CEP170: variants seen among roughly 807,000 people sequenced by gnomAD.
The protein encoded by CEP170 is centrosomal protein 170, also known as centrosomal protein of 170 kDa.
CEP170 carries 21 observed loss-of-function variants against 151.9 expected under a neutral mutation model. That is an observed-to-expected ratio of 0.14 (90% CI 0.10 to 0.20). CEP170 has a LOEUF of 0.20. Ranked by LOEUF, CEP170 falls within the 10% of genes least tolerant of loss-of-function variation. The probability of loss-of-function intolerance (pLI) is 1.00; values close to 1 mark genes in which losing one functional copy is unlikely to be tolerated. For missense variants in CEP170, 964 were observed against 1,892.9 expected, an observed-to-expected ratio of 0.51 and a Z score of 9.11; for synonymous variants, 356 against 648.8, an observed-to-expected ratio of 0.55 and a Z score of 6.86.
chr1:243,234,465 G>T (rs1396967621), intron 1 of CEP170, among the ~76,000 whole-genome samples: 1 of 152,118 alleles, frequency 6.6e-6, no homozygotes, highest in African/African-American at 2.4e-5. Flanking sequence ...ACAAAGGGGG[G>T]TTAAAAGTGA....
chr1:243,231,587 A>T (rs1034244249), intron 1 of CEP170, among the ~76,000 whole-genome samples: 39 of 152,202 alleles, frequency 2.6e-4, no homozygotes, highest in Non-Finnish European at 4.3e-4. Flanking sequence ...CAAGCAAAGT[A>T]TCTGTATACT....
intron 1 of CEP170, among the ~76,000 whole-genome samples, chr1:243,254,114 G>A (rs1321917395): frequency 1.3e-5 from 2 of 151,980 alleles, no homozygotes; most frequent in Non-Finnish European, 2.9e-5. Context: ...ACGTCACCTA[G>A]TAATTTTATA....
intron 4 of CEP170, among the ~76,000 whole-genome samples, chr1:243,208,884 C>T (rs1056711374): frequency 2.0e-5 from 3 of 151,984 alleles, no homozygotes; most frequent in African/African-American, 7.3e-5. Flanking sequence ...ACCACTGGGA[C>T]TATGCCTGGC....
intron 1 of CEP170, among the ~76,000 whole-genome samples, chr1:243,240,132 G>C (rs1410138402): frequency 1.3e-5 from 2 of 152,250 alleles, no homozygotes; most frequent in African/African-American, 4.8e-5. Flanking sequence ...CCAACATGGT[G>C]AAACCCTGTT....
chr1:243,245,622 A>T (rs1392502034), intron 1 of CEP170, among the ~76,000 whole-genome samples: 2 of 152,056 alleles, frequency 1.3e-5, no homozygotes, highest in African/African-American at 4.8e-5. Context: ...GCTGAAGCAG[A>T]AGAATTGCTT....
chr1:243,181,918 C>T (rs979451760), intron 10 of CEP170, among the ~76,000 whole-genome samples: 3 of 152,088 alleles, frequency 2.0e-5, no homozygotes, highest in African/African-American at 7.2e-5. Flanking sequence ...TACATTTTCT[C>T]TGATTAATCT....
chr1:243,162,532 G>T (rs532042130), intron 13 of CEP170, among the ~76,000 whole-genome samples: 3 of 152,188 alleles, frequency 2.0e-5, no homozygotes, highest in Non-Finnish European at 4.4e-5. Flanking sequence ...AGAAAACTGA[G>T]TATTTATCAA....
At chr1:243,201,886 A>G (rs988392199) in intron 4 of CEP170, among the ~76,000 whole-genome samples, 9 of 152,108 alleles carry the variant, frequency 5.9e-5, no homozygotes, top group African/African-American at 2.2e-4. Flanking sequence ...TCTCCTATTA[A>G]TCTACATTGC....
intron 15 of CEP170, among the ~76,000 whole-genome samples, chr1:243,141,638 AT>A (rs1442934353): frequency 6.6e-6 from 1 of 152,196 alleles, no homozygotes; most frequent in East Asian, 1.9e-4. Context: ...AGTACCATTA[AT>A]TTTGTATTAC....
chr1:243,131,021 T>TAGCC (rs932060918), intron 17 of CEP170, among the ~76,000 whole-genome samples: 4 of 152,208 alleles, frequency 2.6e-5, no homozygotes, highest in African/African-American at 9.6e-5. Context: ...AGACTCTGTT[T>TAGCC]AGCCACACAG....
intron 12 of CEP170, among the ~76,000 whole-genome samples, chr1:243,167,586 AG>A (rs1365031853): frequency 6.6e-6 from 1 of 151,902 alleles, no homozygotes; most frequent in East Asian, 1.9e-4. Context: ...TAACATATAA[AG>A]CTTCCTAATC....
At chr1:243,239,702 T>C (rs1016306745) in intron 1 of CEP170, among the ~76,000 whole-genome samples, 10 of 152,168 alleles carry the variant, frequency 6.6e-5, no homozygotes, top group African/African-American at 2.4e-4. Flanking sequence ...AAAACACCCA[T>C]AGAATTCCCA....
intron 17 of CEP170, among the ~76,000 whole-genome samples, chr1:243,131,953 T>C (rs2054470575): frequency 1.3e-5 from 2 of 152,242 alleles, no homozygotes; most frequent in South Asian, 2.1e-4. Context: ...CCTTAAAACA[T>C]GCGAACGCGG....
At chr1:243,149,322 G>A (rs111413560) in intron 14 of CEP170, among the ~76,000 whole-genome samples, 9 of 152,156 alleles carry the variant, frequency 5.9e-5, no homozygotes, top group Non-Finnish European at 1.0e-4. Flanking sequence ...ATGGTCTGAC[G>A]CCATCTGACA....
intron 16 of CEP170, among the ~76,000 whole-genome samples, chr1:243,136,671 T>C (rs2055118998): frequency 6.6e-6 from 1 of 152,060 alleles, no homozygotes; most frequent in Non-Finnish European, 1.5e-5. Flanking sequence ...CAGCAAAGAG[T>C]CTAGTGGGAA....
intron 4 of CEP170, among the ~76,000 whole-genome samples, chr1:243,202,762 A>T (rs1375133749): frequency 3.3e-5 from 5 of 152,130 alleles, no homozygotes; most frequent in African/African-American, 4.8e-5. Context: ...AAAAACTCAT[A>T]AACAGCTAGA....
At chr1:243,171,198 C>T (rs1391080324) in intron 11 of CEP170, among the ~76,000 whole-genome samples, 2 of 152,128 alleles carry the variant, frequency 1.3e-5, no homozygotes, top group Non-Finnish European at 2.9e-5. Context: ...ATAATTATCA[C>T]CTGCTTTCAA....
At position 243,180,473 on chromosome 1, in the gene CEP170, A is replaced by T. The variant is rs1234171244; in HGVS notation, c.1566+5306T>A. On this transcript the variant is annotated intron_variant, in intron 10 of 19. Coordinates refer to ENST00000366542, the MANE Select transcript of CEP170 (RefSeq NM_014812.3). ...ATTAAAAAGAAAAAATTCTCAATAC[A>T]GAAAAAATTGCTCAGTCAAAAATAA... is the stretch of plus-strand genomic sequence containing the variant. Among the ~76,000 whole-genome samples, 4 of 152,236 alleles carry T rather than the reference A, an allele frequency of 2.6e-5. No homozygotes were observed. In the East Asian group the frequency reaches 7.7e-4, roughly 29 times the overall value.
chr1:243,225,493 G>A lies in CEP170; in HGVS notation c.-41-172C>T, dbSNP rs542030909. 2.4e-3 allele frequency among the ~76,000 whole-genome samples: 361 copies of A among 152,282 alleles called. 1 individual carries two copies. Among genetic ancestry groups the A allele is most frequent in the African/African-American group, 8.5e-3 (353 of 41,542 alleles). On this transcript the variant is annotated intron_variant, in intron 1 of 19. Coordinates refer to ENST00000366542, the MANE Select transcript of CEP170 (RefSeq NM_014812.3). ...ACATATATACTAAATTCTCATCAGT[G>A]AAGTAAGCCCACGGAATCCACTAAG...
Sources: allele counts gnomAD v4.1 joint callset (sites outside exome capture counted in the v4.1 genomes callset), GRCh38; gene constraint gnomAD v4.1.1; transcripts MANE v1.5; gene names NCBI Gene and HGNC (gene_info 2026-07-23, HGNC 2026-07-21).